Variants in ST8SIA6 observed in about 807,000 individuals in gnomAD.
ST8SIA6 encodes ST8 alpha-N-acetyl-neuraminide alpha-2,8-sialyltransferase 6.
ST8SIA6 carries 39 observed loss-of-function variants against 33.6 expected under a neutral mutation model. The ratio of observed to expected loss-of-function variants is 1.16; its 90% CI spans 0.90 to 1.52. The LOEUF (loss-of-function observed/expected upper bound fraction) is 1.52, where lower values mean the gene tolerates loss of function less well. Ranked by LOEUF, ST8SIA6 falls within the 40% of genes most tolerant of loss-of-function variation. ST8SIA6 has a pLI of 0.00. For synonymous variants in ST8SIA6, 172 were observed against 167.2 expected, an observed-to-expected ratio of 1.03 and a Z score of -0.22; for missense variants, 441 against 443.8, an observed-to-expected ratio of 0.99 and a Z score of 0.06.
chr10:17,422,843 C>G (rs1851819937), intron 2 of ST8SIA6, among the ~76,000 whole-genome samples: 1 of 152,034 alleles, frequency 6.6e-6, no homozygotes, highest in South Asian at 2.1e-4. Flanking sequence ...CAAAATTAAA[C>G]AAGAAATACT....
rs141702489 is a variant in ST8SIA6 at position 17,370,597 on chromosome 10, A to C, written c.291-10997T>G. ...GGATACATAGGAATATTATTCCTAC[A>C]TAGCTCTATTCTTTTTTCTCCTTAA... is the stretch of plus-strand genomic sequence containing the variant. On this transcript the variant is annotated intron_variant, in intron 3 of 7. Coordinates refer to ENST00000377602, the MANE Select transcript of ST8SIA6 (RefSeq NM_001004470.3). Among the ~76,000 whole-genome samples the C allele has an allele frequency of 3.7e-3, 563 of 152,288 alleles. 3 individuals carry two copies. Among genetic ancestry groups the C allele is most frequent in the African/African-American group, 0.013 (540 of 41,576 alleles).
At chr10:17,412,295 A>G (rs1352950360) in intron 2 of ST8SIA6, among the ~76,000 whole-genome samples, 2 of 152,062 alleles carry the variant, frequency 1.3e-5, no homozygotes, top group Non-Finnish European at 2.9e-5. Context: ...GCCACATCCT[A>G]TCCCATTGAC....
Position 17,320,764 on chromosome 10 carries a change from C to G in ST8SIA6, c.*114G>C. 1 of 1,156,180 alleles carries G rather than the reference C, an allele frequency of 8.6e-7. No homozygotes were observed. Among genetic ancestry groups the G allele is most frequent in the South Asian group, 1.6e-5 (1 of 63,818 alleles). The allele number at this position is 1,156,180 out of a possible 1,614,324, so 71.6% of individuals were successfully genotyped here. On this transcript the variant is annotated 3_prime_UTR_variant, in exon 8 of 8. Transcript: ENST00000377602. The stretch of plus-strand genomic sequence containing the variant: ...ATGAGTGGGGAAGCTTTGGTCAAAC[C>G]AAATTTTGGGGCTCATCTCAAAATA...
intron 3 of ST8SIA6, among the ~76,000 whole-genome samples, chr10:17,378,902 G>T (rs913993187): frequency 6.6e-6 from 1 of 152,030 alleles, no homozygotes; most frequent in Non-Finnish European, 1.5e-5. Context: ...CAAGGCGGGC[G>T]GATCATGAGG....
Position 17,320,780 on chromosome 10 carries a change from T to C in ST8SIA6, c.*98A>G. The stretch of plus-strand genomic sequence containing the variant: ...TGGTCAAACCAAATTTTGGGGCTCA[T>C]CTCAAAATACTCTTTAGCCACCTCC... On this transcript the variant is annotated 3_prime_UTR_variant, in exon 8 of 8. Transcript: ENST00000377602. The C allele has an allele frequency of 7.5e-7, 1 of 1,340,148 alleles. No individual in the cohort carries two copies. The highest frequency in any genetic ancestry group is 1.0e-6 in the Non-Finnish European group (1 of 973,504). 83.0% of individuals were successfully genotyped at this position (1,340,148 alleles called of 1,614,324 possible). A position where few individuals can be genotyped will look rare whatever the true frequency, so the allele number is the denominator to read the frequency against.
chr10:17,369,722 G>A (rs2131630347), intron 3 of ST8SIA6, among the ~76,000 whole-genome samples: 1 of 152,102 alleles, frequency 6.6e-6, no homozygotes, highest in East Asian at 1.9e-4. Flanking sequence ...GCTGTTATTA[G>A]GTGCATACAT....
At chr10:17,378,918 A>G (rs905217082) in intron 3 of ST8SIA6, among the ~76,000 whole-genome samples, 4 of 152,114 alleles carry the variant, frequency 2.6e-5, no homozygotes, top group African/African-American at 9.7e-5. Flanking sequence ...TGAGGTCAGG[A>G]GATCAAGACC....
intron 2 of ST8SIA6, among the ~76,000 whole-genome samples, chr10:17,432,797 G>A (rs1437178657): frequency 6.6e-6 from 1 of 152,170 alleles, no homozygotes; most frequent in African/African-American, 2.4e-5. Flanking sequence ...AGAAGTATGT[G>A]CCTATAACAA....
intron 3 of ST8SIA6, among the ~76,000 whole-genome samples, chr10:17,386,185 A>T (rs991090400): frequency 6.6e-6 from 1 of 151,236 alleles, no homozygotes; most frequent in East Asian, 2.0e-4. Context: ...TCACACACAC[A>T]CACACACACA....
chr10:17,395,683 G>C (rs746108699), intron 2 of ST8SIA6, among the ~76,000 whole-genome samples: 18 of 152,160 alleles, frequency 1.2e-4, no homozygotes, highest in Non-Finnish European at 1.8e-4. Flanking sequence ...GAGAGTTCAA[G>C]ACCAGCCTGA....
chr10:17,342,351 G>T (rs1848705794), intron 4 of ST8SIA6, among the ~76,000 whole-genome samples: 1 of 152,224 alleles, frequency 6.6e-6, no homozygotes, highest in Non-Finnish European at 1.5e-5. Context: ...GCACAGGGGA[G>T]GGGCACTTAA....
chr10:17,407,949 T>C (rs1851328215), intron 2 of ST8SIA6: 1 of 152,642 alleles, frequency 6.6e-6, no homozygotes, highest in South Asian at 2.1e-4. Flanking sequence ...CCAATAAGTG[T>C]TCTGTTTTTA....
At chr10:17,431,127 C>T (rs1274212286) in intron 2 of ST8SIA6, among the ~76,000 whole-genome samples, 1 of 152,122 alleles carries the variant, frequency 6.6e-6, no homozygotes, top group Non-Finnish European at 1.5e-5. Context: ...TAGGAAGAAG[C>T]CCTTTGCTCT....
chr10:17,371,076 C>T (rs1232509409), intron 3 of ST8SIA6, among the ~76,000 whole-genome samples: 1 of 151,984 alleles, frequency 6.6e-6, no homozygotes, highest in Non-Finnish European at 1.5e-5. Context: ...TGAAGGTAGC[C>T]AATAAGATTT....
At chr10:17,353,021 T>C (rs528719403) in intron 4 of ST8SIA6, among the ~76,000 whole-genome samples, 4 of 152,302 alleles carry the variant, frequency 2.6e-5, no homozygotes, top group African/African-American at 9.6e-5. Context: ...CCTGTATGAA[T>C]TGTAAACAGC....
chr10:17,411,226 G>C (rs148936438), intron 2 of ST8SIA6, among the ~76,000 whole-genome samples: 3 of 151,810 alleles, frequency 2.0e-5, no homozygotes, highest in Admixed American at 2.0e-4. Context: ...CACTCTTGTC[G>C]CCCAGGCTGG....
intron 2 of ST8SIA6, among the ~76,000 whole-genome samples, chr10:17,430,113 C>T (rs902147393): frequency 1.3e-5 from 2 of 152,144 alleles, no homozygotes; most frequent in African/African-American, 4.8e-5. Flanking sequence ...TCTGCATACT[C>T]ATAGCTTAGC....
chr10:17,390,293 A>G (rs959630989), intron 3 of ST8SIA6, among the ~76,000 whole-genome samples: 2 of 152,082 alleles, frequency 1.3e-5, no homozygotes, highest in Non-Finnish European at 2.9e-5. Context: ...CCTACATGGT[A>G]TTTTTAACAA....
intron 2 of ST8SIA6, among the ~76,000 whole-genome samples, chr10:17,404,316 C>T (rs982243194): frequency 5.3e-5 from 8 of 152,090 alleles, no homozygotes; most frequent in Admixed American, 1.3e-4. Context: ...TGAACTCAGA[C>T]GTTACGCCAT....
Sources: gnomAD v4.1 joint callset for allele counts (sites outside exome capture counted in the v4.1 genomes callset) on GRCh38, gnomAD v4.1.1 for gene constraint, MANE v1.5 for transcripts, NCBI Gene and HGNC (gene_info 2026-07-23, HGNC 2026-07-21) for gene names.